The following ANKS1B variants were observed in gnomAD, a reference collection of about 807,000 sequenced individuals.
ANKS1B encodes the protein ankyrin repeat and sterile alpha motif domain-containing protein 1B.
In ANKS1B, 36 loss-of-function variants were observed where a neutral mutation model predicts 148.3. The ratio of observed to expected loss-of-function variants is 0.24; its 90% CI spans 0.19 to 0.32. ANKS1B has a LOEUF of 0.32. Among genes scored for constraint, ANKS1B ranks in the 10% least tolerant of loss-of-function variants. The pLI, the probability that ANKS1B is intolerant of heterozygous loss-of-function variation, is 1.00. For missense variants in ANKS1B, 1,157 were observed against 1,542.6 expected (o/e 0.75, Z 4.19); for synonymous variants, 542 against 560.8 (o/e 0.97, Z 0.47).
intron 17 of ANKS1B, among the ~76,000 whole-genome samples, chr12:98,974,077 G>A (rs1240645332): frequency 2.0e-5 from 3 of 152,078 alleles, no homozygotes; most frequent in African/African-American, 7.2e-5. Context: ...GCTTTTGTAG[G>A]TTATGTAGTT....
At chr12:98,894,848 C>A in intron 17 of ANKS1B, 1 of 981,078 alleles carries the variant, frequency 1.0e-6, no homozygotes, top group Non-Finnish European at 1.2e-6. Flanking sequence ...CTGCGCCGAG[C>A]GCCGGGCTCT....
chr12:99,555,581 T>C (rs1188684585), intron 9 of ANKS1B, among the ~76,000 whole-genome samples: 16 of 152,198 alleles, frequency 1.1e-4, no homozygotes, highest in Non-Finnish European at 2.9e-5. Context: ...GGGTTTGTCA[T>C]AGATGTCTGT....
intron 1 of ANKS1B, among the ~76,000 whole-genome samples, chr12:99,885,393 C>T (rs142150206): frequency 1.9e-4 from 29 of 151,188 alleles, no homozygotes; most frequent in African/African-American, 6.8e-4. Context: ...CTCTGCCTCC[C>T]GGGTTCCTGC....
intron 10 of ANKS1B, among the ~76,000 whole-genome samples, chr12:99,479,951 T>A (rs931233391): frequency 6.6e-6 from 1 of 151,846 alleles, no homozygotes; most frequent in African/African-American, 2.4e-5. Context: ...ATTAGTTTGA[T>A]TTATCCATTC....
chr12:98,754,698 G>A (rs1181822371), intron 25 of ANKS1B, among the ~76,000 whole-genome samples: 2 of 152,166 alleles, frequency 1.3e-5, no homozygotes, highest in Non-Finnish European at 2.9e-5. Flanking sequence ...GATCTTCAAA[G>A]GAAAGTAAAA....
chr12:99,957,621 G>A (rs146432764), intron 1 of ANKS1B, among the ~76,000 whole-genome samples: 2 of 152,220 alleles, frequency 1.3e-5, no homozygotes, highest in Non-Finnish European at 2.9e-5. Context: ...TTATGTAGTC[G>A]AATTACTTAC....
At chr12:99,425,113 T>C (rs2095220530) in intron 11 of ANKS1B, among the ~76,000 whole-genome samples, 1 of 151,992 alleles carries the variant, frequency 6.6e-6, no homozygotes, top group African/African-American at 2.4e-5. Context: ...CATTGCTCAA[T>C]TAAATTCCTT....
At chr12:99,675,358 A>C (rs769227550) in intron 8 of ANKS1B, among the ~76,000 whole-genome samples, 54 of 152,164 alleles carry the variant, frequency 3.5e-4, no homozygotes, top group Non-Finnish European at 6.3e-4. Flanking sequence ...TATCTATGTA[A>C]GAAAATATTT....
chr12:99,966,865 C>T (rs1441598161), intron 1 of ANKS1B, among the ~76,000 whole-genome samples: 1 of 152,126 alleles, frequency 6.6e-6, no homozygotes, highest in Non-Finnish European at 1.5e-5. Context: ...TTCAAGTTAT[C>T]TTTGTGAGGA....
downstream of ANKS1B, among the ~76,000 whole-genome samples, chr12:98,740,433 G>A (rs1181916301): frequency 6.6e-6 from 1 of 152,150 alleles, no homozygotes. Flanking sequence ...ACATTCTCAG[G>A]AGCTTGCTGG....
chr12:99,920,317 C>T lies in ANKS1B; in HGVS notation c.134+63787G>A, dbSNP rs549760073. ...GGCAAGACTCTGTGGTACTTTCTAA[C>T]ACACTTTAAAAGGAACATTATTTTA... On this transcript the variant is annotated intron_variant, in intron 1 of 26. Coordinates refer to ENST00000683438, the MANE Select transcript of ANKS1B (RefSeq NM_001352186.2). Among the ~76,000 whole-genome samples the T allele has an allele frequency of 1.7e-4, 26 of 152,276 alleles. No individual in the cohort carries two copies. In the South Asian group the frequency reaches 5.4e-3, roughly 32 times the overall value.
chr12:99,933,321 G>A (rs1413439770), intron 1 of ANKS1B, among the ~76,000 whole-genome samples: 1 of 152,030 alleles, frequency 6.6e-6, no homozygotes, highest in Non-Finnish European at 1.5e-5. Flanking sequence ...TTTTGATAGG[G>A]ATTACATTGA....
At chr12:99,294,971 C>G (rs1325838730) in intron 12 of ANKS1B, among the ~76,000 whole-genome samples, 2 of 152,088 alleles carry the variant, frequency 1.3e-5, no homozygotes, top group African/African-American at 2.4e-5. Flanking sequence ...GTTTGTAACA[C>G]AAAGAAATAA....
chr12:99,811,493 T>C (rs2068364971), intron 3 of ANKS1B, among the ~76,000 whole-genome samples: 1 of 151,944 alleles, frequency 6.6e-6, no homozygotes, highest in Admixed American at 6.6e-5. Flanking sequence ...CTAGAATCTG[T>C]GGTCCTATCT....
chr12:99,466,850 T>A (rs2096126616), intron 10 of ANKS1B, among the ~76,000 whole-genome samples: 1 of 151,918 alleles, frequency 6.6e-6, no homozygotes, highest in Non-Finnish European at 1.5e-5. Context: ...AGTCGAATTC[T>A]ACCAGAGGTA....
At chr12:99,295,403 T>C (rs185365884) in intron 12 of ANKS1B, among the ~76,000 whole-genome samples, 121 of 152,314 alleles carry the variant, frequency 7.9e-4, no homozygotes, top group Admixed American at 2.0e-3. Context: ...AATTGTCATT[T>C]GTTTCCTTAT....
intron 12 of ANKS1B, among the ~76,000 whole-genome samples, chr12:99,272,719 G>A (rs2077183948): frequency 1.3e-5 from 2 of 152,132 alleles, no homozygotes; most frequent in South Asian, 4.1e-4. Flanking sequence ...TACATTTTGG[G>A]AGTTTGGATT....
chr12:99,883,777 G>A (rs1390082290), intron 1 of ANKS1B, among the ~76,000 whole-genome samples: 3 of 152,020 alleles, frequency 2.0e-5, no homozygotes, highest in Non-Finnish European at 4.4e-5. Context: ...TTAGCCAGGC[G>A]CATTGGCAGG....
chr12:99,462,815 T>C (rs534792935), intron 10 of ANKS1B, among the ~76,000 whole-genome samples: 2 of 152,298 alleles, frequency 1.3e-5, no homozygotes, highest in African/African-American at 2.4e-5. Context: ...GTGGAGGTCA[T>C]GAGTTACCAT....
Sources: allele counts gnomAD v4.1 joint callset (sites outside exome capture counted in the v4.1 genomes callset), GRCh38; gene constraint gnomAD v4.1.1; transcripts MANE v1.5; gene names NCBI Gene and HGNC (gene_info 2026-07-23, HGNC 2026-07-21).